Variants in GFRA1 observed in about 807,000 individuals in gnomAD.
GFRA1 encodes GDNF family receptor alpha-1.
GFRA1 carries 16 observed loss-of-function variants against 51.6 expected under a neutral mutation model. The ratio of observed to expected loss-of-function variants is 0.31; its 90% CI spans 0.21 to 0.47. GFRA1 has a LOEUF of 0.47. GFRA1 is among the 20% of genes least tolerant of loss of function. The pLI is 1.00. For missense variants in GFRA1, 530 were observed against 594.3 expected (o/e 0.89, Z 1.13); for synonymous variants, 270 against 241.3 (o/e 1.12, Z -1.10).
chr10:116,189,999 G>C (rs149310332), intron 5 of GFRA1, among the ~76,000 whole-genome samples: 131 of 152,226 alleles, frequency 8.6e-4, no homozygotes, highest in African/African-American at 2.9e-3. Flanking sequence ...GAGAGCCCCA[G>C]GCGAGGCAGA....
intron 5 of GFRA1, among the ~76,000 whole-genome samples, chr10:116,144,357 C>T (rs1232713156): frequency 6.6e-6 from 1 of 151,954 alleles, no homozygotes; most frequent in Non-Finnish European, 1.5e-5. Context: ...AATTTTGACC[C>T]TATATTCCAA....
At chr10:116,227,319 A>C (rs1966369462) in intron 4 of GFRA1, among the ~76,000 whole-genome samples, 1 of 152,206 alleles carries the variant, frequency 6.6e-6, no homozygotes, top group Non-Finnish European at 1.5e-5. Flanking sequence ...GCCAATGCGC[A>C]GGGAACTATG....
In GFRA1 at chr10:116,127,057, A is replaced by G. The variant is rs976699971; in HGVS notation, c.434-1500T>C. On this transcript the variant is annotated intron_variant, in intron 5 of 10. Coordinates refer to ENST00000355422, the MANE Select transcript of GFRA1 (RefSeq NM_005264.8). ...ATCTAAAATAGTCAAACTCAAAAGAAGCAGAGAGTGGAATGATGGTTGCCA... is the reference window on the plus strand; with the variant it reads ...ATCTAAAATAGTCAAACTCAAAAGAGGCAGAGAGTGGAATGATGGTTGCCA... Among the ~76,000 whole-genome samples the G allele has an allele frequency of 3.3e-5, 5 of 151,774 alleles. 1 individual carries two copies. The Middle Eastern group carries it at 0.017, about 516-fold the overall frequency.
intron 4 of GFRA1, among the ~76,000 whole-genome samples, chr10:116,224,302 G>A (rs974715292): frequency 7.9e-5 from 12 of 152,148 alleles, no homozygotes; most frequent in African/African-American, 1.9e-4. Context: ...AAATAGTTAC[G>A]TATAGAGTTT....
At chr10:116,072,133 A>G (rs1389965371) in intron 9 of GFRA1, among the ~76,000 whole-genome samples, 1 of 152,026 alleles carries the variant, frequency 6.6e-6, no homozygotes, top group Non-Finnish European at 1.5e-5. Flanking sequence ...CATTGAAGCA[A>G]TTGTCCTTTT....
chr10:116,169,231 A>AGT (rs1960793888), intron 5 of GFRA1, among the ~76,000 whole-genome samples: 1 of 152,246 alleles, frequency 6.6e-6, no homozygotes, highest in Non-Finnish European at 1.5e-5. Flanking sequence ...TGATGACTAG[A>AGT]GTTCACTTTT....
At chr10:116,210,500 T>C (rs1478222465) in intron 5 of GFRA1, among the ~76,000 whole-genome samples, 1 of 152,214 alleles carries the variant, frequency 6.6e-6, no homozygotes, top group Non-Finnish European at 1.5e-5. Flanking sequence ...TCAATTTTGC[T>C]CATCTCTTAG....
At chr10:116,274,427 G>C (rs1190395908), upstream of GFRA1, among the ~76,000 whole-genome samples, 1 of 152,232 alleles carries the variant, frequency 6.6e-6, no homozygotes, top group Non-Finnish European at 1.5e-5. Flanking sequence ...TGATCGAGGG[G>C]GGTAAATTGA....
chr10:116,122,486 C>A (rs1957687717), intron 6 of GFRA1, among the ~76,000 whole-genome samples: 1 of 152,150 alleles, frequency 6.6e-6, no homozygotes, highest in African/African-American at 2.4e-5. Context: ...CCTAAACCAT[C>A]CTGTTATCTG....
intron 5 of GFRA1, among the ~76,000 whole-genome samples, chr10:116,209,922 C>A (rs546010172): frequency 1.3e-5 from 2 of 152,196 alleles, no homozygotes; most frequent in Admixed American, 1.3e-4. Flanking sequence ...AAAGCAAGTT[C>A]AGTTCCTTCC....
chr10:116,173,958 T>C (rs7080193), intron 5 of GFRA1, among the ~76,000 whole-genome samples: 60,864 of 151,762 alleles, frequency 0.4, 12,244 homozygotes, highest in South Asian at 0.48. Flanking sequence ...TGCATGCCTG[T>C]AATCCCAGCT....
At chr10:116,123,886 T>C (rs1261415433) in intron 6 of GFRA1, among the ~76,000 whole-genome samples, 1 of 152,158 alleles carries the variant, frequency 6.6e-6, no homozygotes, top group Non-Finnish European at 1.5e-5. Flanking sequence ...CCTACGTCTA[T>C]ATTGCTGTTT....
intron 5 of GFRA1, among the ~76,000 whole-genome samples, chr10:116,142,150 T>A (rs1958599673): frequency 6.6e-6 from 1 of 152,164 alleles, no homozygotes; most frequent in Non-Finnish European, 1.5e-5. Context: ...ATTGTGGGCA[T>A]TTGTCACAAG....
chr10:116,232,831 G>C (rs943433971), intron 4 of GFRA1, among the ~76,000 whole-genome samples: 7 of 152,132 alleles, frequency 4.6e-5, no homozygotes, highest in Admixed American at 1.3e-4. Context: ...CCCCGTCTTT[G>C]ATAAGCCCAT....
intron 5 of GFRA1, among the ~76,000 whole-genome samples, chr10:116,147,150 T>C (rs570045306): frequency 1.7e-4 from 26 of 152,286 alleles, no homozygotes; most frequent in South Asian, 1.0e-3. Flanking sequence ...TGCTTGCATA[T>C]TTGAAATGTT....
intron 8 of GFRA1, among the ~76,000 whole-genome samples, chr10:116,090,405 T>C (rs530893423): frequency 1.1e-4 from 15 of 135,780 alleles, no homozygotes; most frequent in Non-Finnish European, 1.8e-4. Context: ...CACATTAATA[T>C]GGCAGGCAAA....
intron 4 of GFRA1, among the ~76,000 whole-genome samples, chr10:116,251,427 A>G (rs1375026654): frequency 1.3e-5 from 2 of 152,206 alleles, no homozygotes; most frequent in Admixed American, 1.3e-4. Flanking sequence ...TGGATGTATC[A>G]GAATATCATA....
chr10:116,208,346 C>T (rs1964937269), intron 5 of GFRA1, among the ~76,000 whole-genome samples: 1 of 152,090 alleles, frequency 6.6e-6, no homozygotes, highest in Admixed American at 6.5e-5. Context: ...GAATGCCCCT[C>T]AAGCTAGACT....
intron 6 of GFRA1, among the ~76,000 whole-genome samples, chr10:116,110,267 A>C (rs1565582282): frequency 6.6e-6 from 1 of 152,064 alleles, no homozygotes. Flanking sequence ...CTGAGCATTA[A>C]ACTCTGTGCC....
Sources: gnomAD v4.1 joint callset for allele counts (sites outside exome capture counted in the v4.1 genomes callset) on GRCh38, gnomAD v4.1.1 for gene constraint, MANE v1.5 for transcripts, NCBI Gene and HGNC (gene_info 2026-07-23, HGNC 2026-07-21) for gene names.